The following SIK3 variants were observed in gnomAD, a reference collection of about 807,000 sequenced individuals.
SIK3 encodes serine/threonine-protein kinase SIK3.
SIK3 carries 28 observed loss-of-function variants against 144.2 expected under a neutral mutation model. The ratio of observed to expected loss-of-function variants is 0.19; its 90% CI spans 0.14 to 0.27. SIK3 has a LOEUF of 0.27. Ranked by LOEUF, SIK3 falls within the 10% of genes least tolerant of loss-of-function variation. The pLI is 1.00. For missense variants in SIK3, 1,319 were observed against 1,776.0 expected, an observed-to-expected ratio of 0.74 and a Z score of 4.62; for synonymous variants, 686 against 676.3, an observed-to-expected ratio of 1.01 and a Z score of -0.22.
chr11:117,052,204 G>A (rs997468668), intron 1 of SIK3, among the ~76,000 whole-genome samples: 2 of 152,092 alleles, frequency 1.3e-5, no homozygotes, highest in African/African-American at 4.8e-5. Context: ...CCTAATACAA[G>A]TCCAGAATGA....
intron 1 of SIK3, among the ~76,000 whole-genome samples, chr11:117,083,768 G>A (rs988456599): frequency 6.6e-6 from 1 of 152,164 alleles, no homozygotes; most frequent in African/African-American, 2.4e-5. Context: ...AAACAGTTCT[G>A]TTTCTTGCAG....
intron 6 of SIK3, among the ~76,000 whole-genome samples, chr11:116,884,328 A>G (rs1944698951): frequency 1.4e-5 from 2 of 147,568 alleles, no homozygotes; most frequent in South Asian, 4.3e-4. Flanking sequence ...CTGAGACTAC[A>G]GGCACACACC....
intron 1 of SIK3, among the ~76,000 whole-genome samples, chr11:117,069,887 C>T (rs959966636): frequency 1.3e-5 from 2 of 152,032 alleles, no homozygotes; most frequent in African/African-American, 2.4e-5. Flanking sequence ...ATAATGTTGG[C>T]CCATTAAAAG....
chr11:116,901,866 G>A (rs1945755650), intron 4 of SIK3, among the ~76,000 whole-genome samples: 1 of 152,024 alleles, frequency 6.6e-6, no homozygotes, highest in Admixed American at 6.5e-5. Flanking sequence ...TGCACACACT[G>A]GTCACTATTA....
chr11:116,890,974 A>G (rs1945071464), intron 6 of SIK3, among the ~76,000 whole-genome samples: 1 of 152,208 alleles, frequency 6.6e-6, no homozygotes, highest in South Asian at 2.1e-4. Context: ...TTAAAATGGA[A>G]TAGAATAAAA....
intron 1 of SIK3, among the ~76,000 whole-genome samples, chr11:116,985,722 T>A (rs2135534635): frequency 6.6e-6 from 1 of 152,298 alleles, no homozygotes; most frequent in East Asian, 1.9e-4. Flanking sequence ...TTTAGGGCAA[T>A]AATGAACACG....
At position 116,954,313 on chromosome 11, in the gene SIK3, G is replaced by C. The variant is rs766689023; in HGVS notation, c.391-206C>G. 2.0e-5 allele frequency among the ~76,000 whole-genome samples: 3 copies of C among 152,138 alleles called. No individual in the cohort carries two copies. The East Asian group carries it at 5.8e-4, about 29-fold the overall frequency. ...TATTCCTCCAAGTTCTTAAAAGTAG[G>C]AAACATTTATTGCTTGAGAGAGATA... On this transcript the variant is annotated intron_variant, in intron 2 of 24. Transcript: ENST00000445177.
rs774975012 is a variant in SIK3 at position 116,843,846 on chromosome 11, G to A, written c.*1797C>T. On this transcript the variant is annotated 3_prime_UTR_variant, in exon 25 of 25. Transcript: ENST00000445177. ...GGGAGACTGGGGACCATGGAAACAT[G>A]GGACAGCTCCCACGAAGGGCTCTTG... 2.0e-4 allele frequency: 30 copies of A among 152,194 alleles called. No homozygotes were observed. The highest frequency in any genetic ancestry group is 3.5e-4 in the Non-Finnish European group (24 of 68,032). 9.4% of individuals were successfully genotyped at this position (152,194 alleles called of 1,614,324 possible).
At chr11:117,090,493 T>C (rs1955195468) in intron 1 of SIK3, among the ~76,000 whole-genome samples, 1 of 152,212 alleles carries the variant, frequency 6.6e-6, no homozygotes, top group Admixed American at 6.5e-5. Flanking sequence ...AGTTATAAGA[T>C]GTCACCATCC....
intron 3 of SIK3, among the ~76,000 whole-genome samples, chr11:116,934,258 G>A (rs1020138556): frequency 1.3e-5 from 2 of 152,160 alleles, no homozygotes; most frequent in Non-Finnish European, 2.9e-5. Flanking sequence ...CGCATATTAA[G>A]CACTTAATAA....
intron 4 of SIK3, among the ~76,000 whole-genome samples, chr11:116,915,228 G>A (rs1946571194): frequency 6.6e-6 from 1 of 151,048 alleles, no homozygotes; most frequent in Non-Finnish European, 1.5e-5. Flanking sequence ...GTCTTATTAT[G>A]TTGCCCAGGC....
At chr11:117,055,889 C>T (rs958633636) in intron 1 of SIK3, among the ~76,000 whole-genome samples, 4 of 152,180 alleles carry the variant, frequency 2.6e-5, no homozygotes, top group Admixed American at 6.5e-5. Context: ...TTCAAGGCAT[C>T]GTCTAAGAAG....
chr11:116,985,587 C>T (rs1037694721), intron 1 of SIK3, among the ~76,000 whole-genome samples: 1 of 152,088 alleles, frequency 6.6e-6, no homozygotes, highest in Non-Finnish European at 1.5e-5. Context: ...ACTGTTTTGG[C>T]CTCCATTTGT....
rs1555069329 is a variant in SIK3 at position 116,858,297 on chromosome 11, T to TGCTGCTGC, written c.3167_3168insGCAGCAGC (p.Gln1059HisfsTer15). ...CCTGGTATTCTTGCTGTTGCTGCTGTTGCTGCTGCTGCTGCCGTTGTTGCT... is the reference window on the plus strand; with the variant it reads ...CCTGGTATTCTTGCTGTTGCTGCTGTGCTGCTGCTGCTGCTGCTGCTGCCGTTGTTGCT... On this transcript the variant is annotated frameshift_variant, in exon 21 of 25. Transcript: ENST00000445177. LOFTEE classifies it high-confidence loss of function. This position sits in a 1 kb window ranked among gnomAD's most constrained non-coding sequence, Gnocchi z 5.4. 6 of 1,612,210 alleles carry TGCTGCTGC rather than the reference T, an allele frequency of 3.7e-6. No individual in the cohort carries two copies. In the African/African-American group the frequency reaches 5.4e-5, roughly 14 times the overall value.
intron 1 of SIK3, among the ~76,000 whole-genome samples, chr11:117,028,465 A>G (rs886220325): frequency 5.3e-5 from 8 of 152,250 alleles, no homozygotes; most frequent in Non-Finnish European, 8.8e-5. Context: ...AAGTACACCA[A>G]TGTAGGAGGT....
At chr11:117,002,233 G>A (rs1343950224) in intron 1 of SIK3, among the ~76,000 whole-genome samples, 3 of 152,138 alleles carry the variant, frequency 2.0e-5, no homozygotes, top group South Asian at 2.1e-4. Flanking sequence ...GTCCCAGGAC[G>A]GCTTTGAATG....
intron 1 of SIK3, among the ~76,000 whole-genome samples, chr11:117,049,421 T>C (rs575940657): frequency 6.6e-6 from 1 of 151,368 alleles, no homozygotes; most frequent in African/African-American, 2.4e-5. Flanking sequence ...CTACTAAAAA[T>C]ACAAAAATTA....
At chr11:116,993,941 G>A (rs1000920077) in intron 1 of SIK3, among the ~76,000 whole-genome samples, 3 of 152,198 alleles carry the variant, frequency 2.0e-5, no homozygotes, top group Admixed American at 6.5e-5. Flanking sequence ...TTACACATCC[G>A]TGACGAAACA....
chr11:116,999,665 T>C (rs1163746693), intron 1 of SIK3, among the ~76,000 whole-genome samples: 3 of 152,162 alleles, frequency 2.0e-5, no homozygotes, highest in South Asian at 2.1e-4. Flanking sequence ...CCTCAAGTGG[T>C]CTACCCACCT....
Sources: allele counts gnomAD v4.1 joint callset (sites outside exome capture counted in the v4.1 genomes callset), GRCh38; gene constraint gnomAD v4.1.1; non-coding constraint Gnocchi (gnomAD v3.1); transcripts MANE v1.5; gene names NCBI Gene and HGNC (gene_info 2026-07-23, HGNC 2026-07-21).